Variants in MRAP2 observed in about 807,000 individuals in gnomAD.
The protein encoded by MRAP2 is melanocortin 2 receptor accessory protein 2.
Under a neutral mutation model 17.4 loss-of-function variants are expected in MRAP2, and 20 were observed. The observed-to-expected ratio is 1.15, with a 90% CI of 0.81 to 1.67. MRAP2 has a LOEUF of 1.67. Among genes scored for constraint, MRAP2 ranks in the 40% most tolerant of loss-of-function variants. The probability of loss-of-function intolerance (pLI) is 0.00; values close to 1 mark genes in which losing one functional copy is unlikely to be tolerated. For missense variants in MRAP2, 238 were observed against 240.0 expected (o/e 0.99, Z 0.05); for synonymous variants, 96 against 88.4 (o/e 1.09, Z -0.48).
At chr6:84,107,836 G>A in the MRAP2 span, among the ~76,000 whole-genome samples, 1 of 152,212 alleles carries the variant, frequency 6.6e-6, no homozygotes, top group South Asian at 2.1e-4. Context: ...GTGTTAATTT[G>A]CTCAAGCAAT....
chr6:84,122,831 T>G, the MRAP2 span, among the ~76,000 whole-genome samples: 1 of 152,054 alleles, frequency 6.6e-6, no homozygotes, highest in African/African-American at 2.4e-5. Flanking sequence ...TAGAAAACCC[T>G]AAAGACTCCT....
At chr6:84,139,993 C>T in the MRAP2 span, among the ~76,000 whole-genome samples, 1 of 150,220 alleles carries the variant, frequency 6.7e-6, no homozygotes, top group Non-Finnish European at 1.5e-5. Flanking sequence ...TGCTGTGGGT[C>T]CCCAGTAAGA....
At chr6:84,097,298 G>T in the MRAP2 span, among the ~76,000 whole-genome samples, 1 of 152,148 alleles carries the variant, frequency 6.6e-6, no homozygotes, top group African/African-American at 2.4e-5. Context: ...ATAGATACGA[G>T]CCCACTCTTT....
intron 2 of MRAP2, among the ~76,000 whole-genome samples, chr6:84,055,860 G>C (rs2099491588): frequency 6.6e-6 from 1 of 152,116 alleles, no homozygotes; most frequent in Admixed American, 6.5e-5. Flanking sequence ...TGGTTTCCTG[G>C]AGCTGTGGAG....
At chr6:84,064,009 C>T (rs908503044) in intron 3 of MRAP2, among the ~76,000 whole-genome samples, 19 of 151,650 alleles carry the variant, frequency 1.3e-4, no homozygotes, top group African/African-American at 4.4e-4. Context: ...CACACCACCG[C>T]ACTCCAGCCT....
downstream of MRAP2, among the ~76,000 whole-genome samples, chr6:84,095,028 T>C (rs2099502433): frequency 6.6e-6 from 1 of 152,152 alleles, no homozygotes; most frequent in South Asian, 2.1e-4. Flanking sequence ...TTTAGTTGTG[T>C]TTTGTTTTTT....
intron 1 of MRAP2, among the ~76,000 whole-genome samples, chr6:84,035,786 G>T (rs547816765): frequency 6.6e-6 from 1 of 152,086 alleles, no homozygotes; most frequent in African/African-American, 2.4e-5. Context: ...AAAGCTGTTC[G>T]CTTCCTCCTC....
the MRAP2 span, among the ~76,000 whole-genome samples, chr6:84,131,952 T>C: frequency 1.3e-5 from 2 of 152,222 alleles, no homozygotes; most frequent in African/African-American, 4.8e-5. Flanking sequence ...GTCTTTACAA[T>C]TTGGCATGTT....
At chr6:84,066,183 A>G (rs2099494636) in intron 3 of MRAP2, among the ~76,000 whole-genome samples, 2 of 152,216 alleles carry the variant, frequency 1.3e-5, no homozygotes, top group African/African-American at 4.8e-5. Flanking sequence ...GTCTTTGATG[A>G]TTATTCTGAA....
chr6:84,046,780 C>CAAAAAAA (rs756963425), intron 1 of MRAP2, among the ~76,000 whole-genome samples: 2 of 23,148 alleles, frequency 8.6e-5, no homozygotes, highest in African/African-American at 2.8e-4. Flanking sequence ...AACTCCATCT[C>CAAAAAAA]AAAAAAAAAA....
intron 2 of MRAP2, among the ~76,000 whole-genome samples, chr6:84,059,798 T>G (rs971081564): frequency 2.0e-5 from 3 of 152,254 alleles, no homozygotes; most frequent in Non-Finnish European, 4.4e-5. Flanking sequence ...TTTGACTTTC[T>G]TAACCATCTA....
rs2099491448 is a variant in MRAP2, at chr6:84,055,455, A to G, written c.127+10A>G. 1.2e-6 allele frequency: 2 copies of G among 1,609,780 alleles called. No homozygotes were observed. The highest frequency in any genetic ancestry group is 1.3e-5 in the African/African-American group (1 of 74,790). On this transcript the variant is annotated intron_variant, in intron 2 of 3. Coordinates refer to ENST00000257776, the MANE Select transcript of MRAP2 (RefSeq NM_138409.4). ...CTGAAGGCTCATAAATGTAAGTTTT[A>G]TACAATTCCTCATTGAAAGCATAAT...
the MRAP2 span, among the ~76,000 whole-genome samples, chr6:84,130,413 A>G: frequency 4.6e-5 from 7 of 151,996 alleles, no homozygotes; most frequent in African/African-American, 1.7e-4. Context: ...TATTGTGTGG[A>G]ATAGTTTCAG....
At chr6:84,058,684 T>G (rs1261115125) in intron 2 of MRAP2, among the ~76,000 whole-genome samples, 1 of 152,022 alleles carries the variant, frequency 6.6e-6, no homozygotes, top group Non-Finnish European at 1.5e-5. Context: ...TGGGCACGCT[T>G]GTGTTTAGAA....
At chr6:84,132,700 AT>A in the MRAP2 span, among the ~76,000 whole-genome samples, 2 of 152,084 alleles carry the variant, frequency 1.3e-5, no homozygotes. Context: ...CCATCAGGTG[AT>A]TTAAGGTCTT....
chr6:84,097,465 G>A, the MRAP2 span, among the ~76,000 whole-genome samples: 2 of 152,026 alleles, frequency 1.3e-5, no homozygotes, highest in African/African-American at 4.8e-5. Context: ...TTATTTAAGA[G>A]GGATTCAAAT....
chr6:84,034,887 C>T (rs1477851526), intron 1 of MRAP2, among the ~76,000 whole-genome samples: 1 of 152,076 alleles, frequency 6.6e-6, no homozygotes, highest in Non-Finnish European at 1.5e-5. Context: ...GAGTAGGGGT[C>T]TGGAAGCTAG....
At chr6:84,135,589 G>A in the MRAP2 span, among the ~76,000 whole-genome samples, 3 of 152,020 alleles carry the variant, frequency 2.0e-5, no homozygotes, top group South Asian at 2.1e-4. Context: ...TGGGCTGGTC[G>A]TGGTGGCTCA....
chr6:84,137,675 TTTCTC>T, the MRAP2 span, among the ~76,000 whole-genome samples: 1 of 152,200 alleles, frequency 6.6e-6, no homozygotes, highest in African/African-American at 2.4e-5. Context: ...ATTCATGTCT[TTTCTC>T]TACAACTGCA....
Sources: gnomAD v4.1 joint callset for allele counts (sites outside exome capture counted in the v4.1 genomes callset) on GRCh38, gnomAD v4.1.1 for gene constraint, MANE v1.5 for transcripts, NCBI Gene and HGNC (gene_info 2026-07-23, HGNC 2026-07-21) for gene names.